Variants in IQCM observed in about 807,000 individuals in gnomAD.
IQCM encodes the protein IQ domain-containing protein M.
In IQCM, 45 loss-of-function variants were observed where a neutral mutation model predicts 57.6. That is an observed-to-expected ratio of 0.78 (90% CI 0.62 to 1.00). The LOEUF is 1.00. IQCM is among the 50% of genes least tolerant of loss of function. The pLI, the probability that IQCM is intolerant of heterozygous loss-of-function variation, is 0.00. For missense variants in IQCM, 468 were observed against 511.6 expected (o/e 0.91, Z 0.82); for synonymous variants, 148 against 158.9 (o/e 0.93, Z 0.51).
intron 8 of IQCM, among the ~76,000 whole-genome samples, chr4:149,604,344 G>A (rs1392761971): frequency 2.0e-5 from 3 of 152,066 alleles, no homozygotes; most frequent in Non-Finnish European, 4.4e-5. Context: ...TATTACCACT[G>A]CTGCTGCATG....
At chr4:149,358,849 T>TATCATGATATACTCTCATGAGTAG (rs1729224534) in intron 13 of IQCM, among the ~76,000 whole-genome samples, 1 of 151,552 alleles carries the variant, frequency 6.6e-6, no homozygotes. Flanking sequence ...GTGGACAGTA[T>TATCATGATATACTCTCATGAGTAG]ATCATGATAT....
At chr4:149,563,570 C>T (rs948247501) in intron 10 of IQCM, 122 bp downstream of exon 10, 1 of 647,000 alleles carries the variant, frequency 1.5e-6, no homozygotes, top group East Asian at 3.5e-5. Context: ...TGGACAACAA[C>T]AGCAAAACTC....
At chr4:149,559,429 A>T (rs941125552) in intron 10 of IQCM, among the ~76,000 whole-genome samples, 1 of 152,082 alleles carries the variant, frequency 6.6e-6, no homozygotes, top group African/African-American at 2.4e-5. Flanking sequence ...TAGCTCACCT[A>T]AGCTCATTGA....
At chr4:149,719,081 A>G (rs1765227497) in intron 5 of IQCM, among the ~76,000 whole-genome samples, 1 of 152,124 alleles carries the variant, frequency 6.6e-6, no homozygotes, top group African/African-American at 2.4e-5. Context: ...ATGGTGGCTC[A>G]TGCCTGTAAT....
At chr4:149,532,002 C>A (rs553533135) in intron 12 of IQCM, among the ~76,000 whole-genome samples, 1 of 152,098 alleles carries the variant, frequency 6.6e-6, no homozygotes, top group South Asian at 2.1e-4. Context: ...TTGCCTGACA[C>A]GAGGGCCAGC....
At chr4:149,663,982 C>T (rs1166652119) in intron 7 of IQCM, among the ~76,000 whole-genome samples, 2 of 152,094 alleles carry the variant, frequency 1.3e-5, no homozygotes, top group Middle Eastern at 3.2e-3. Flanking sequence ...TAATGATGTT[C>T]CCTAAGTCCC....
intron 12 of IQCM, among the ~76,000 whole-genome samples, chr4:149,541,403 G>GT (rs1291545502): frequency 6.6e-6 from 1 of 151,900 alleles, no homozygotes; most frequent in Non-Finnish European, 1.5e-5. Flanking sequence ...TCGTTGTTGA[G>GT]TTTTTTTGAT....
At chr4:149,537,782 A>G (rs1747448340) in intron 12 of IQCM, among the ~76,000 whole-genome samples, 2 of 151,966 alleles carry the variant, frequency 1.3e-5, no homozygotes, top group Non-Finnish European at 2.9e-5. Flanking sequence ...ATCAGAATCA[A>G]TGGTAGGCAG....
rs147292394 is a variant in IQCM, at chr4:149,777,276, AT to A, written c.-48-34538del. ...TTGTCTCTGCTTCTACTCTTCAAGAATGTATAAATATTGACATTCACTCTCA... is the reference window on the plus strand; with the variant it reads ...TTGTCTCTGCTTCTACTCTTCAAGAAGTATAAATATTGACATTCACTCTCA... On this transcript the variant is annotated intron_variant, in intron 2 of 13. Transcript: ENST00000636793. Among the ~76,000 whole-genome samples, 19 of 152,352 alleles carry A rather than the reference AT, an allele frequency of 1.2e-4. No homozygotes were observed. In the East Asian group the frequency reaches 3.7e-3, roughly 29 times the overall value.
At chr4:149,399,791 T>C (rs543717017) in intron 13 of IQCM, among the ~76,000 whole-genome samples, 1 of 152,202 alleles carries the variant, frequency 6.6e-6, no homozygotes, top group African/African-American at 2.4e-5. Flanking sequence ...TTATTTTACC[T>C]CATGGGGTTA....
chr4:149,624,623 A>G lies in IQCM; in HGVS notation c.566-3379T>C, dbSNP rs1002177526. Among the ~76,000 whole-genome samples, 4 of 152,230 alleles carry G rather than the reference A, an allele frequency of 2.6e-5. No individual in the cohort carries two copies. The East Asian group carries it at 5.8e-4, about 22-fold the overall frequency. ...AAAAGGGAAGGAAAGAAAAGTTCTT[A>G]GGTAGTTAAAACAATCCCCACATCT... is the stretch of plus-strand genomic sequence containing the variant. On this transcript the variant is annotated intron_variant, in intron 7 of 13. Transcript: ENST00000636793.
chr4:149,762,781 C>G (rs1170330280), intron 2 of IQCM, among the ~76,000 whole-genome samples: 2 of 151,908 alleles, frequency 1.3e-5, no homozygotes, highest in Admixed American at 6.6e-5. Flanking sequence ...CTCCACAGAC[C>G]TCTATAACAT....
chr4:149,549,578 T>G (rs1748824392), intron 11 of IQCM, among the ~76,000 whole-genome samples: 1 of 145,200 alleles, frequency 6.9e-6, no homozygotes, highest in South Asian at 2.4e-4. Context: ...ATAATTTCTT[T>G]TTTTCTCTTT....
intron 12 of IQCM, among the ~76,000 whole-genome samples, chr4:149,520,370 T>C (rs1281857019): frequency 6.6e-6 from 1 of 152,032 alleles, no homozygotes; most frequent in Non-Finnish European, 1.5e-5. Context: ...TTTTCCTGGG[T>C]GGTTCACCAT....
At chr4:149,478,707 G>C (rs1235416848) in intron 12 of IQCM, among the ~76,000 whole-genome samples, 1 of 152,088 alleles carries the variant, frequency 6.6e-6, no homozygotes, top group East Asian at 1.9e-4. Context: ...TTGAAGACAT[G>C]AGGCAAGCAG....
chr4:149,622,052 A>G (rs1053084386), intron 7 of IQCM, among the ~76,000 whole-genome samples: 8 of 152,228 alleles, frequency 5.3e-5, no homozygotes, highest in Non-Finnish European at 8.8e-5. Context: ...ATAAATTTAT[A>G]GAAAACTCAA....
intron 9 of IQCM, among the ~76,000 whole-genome samples, chr4:149,572,611 C>G (rs1295550045): frequency 6.6e-6 from 1 of 151,940 alleles, no homozygotes; most frequent in Non-Finnish European, 1.5e-5. Flanking sequence ...TATTTCCTAA[C>G]TATGGTATAA....
chr4:149,524,962 A>C (rs1338688592), intron 12 of IQCM, among the ~76,000 whole-genome samples: 1 of 151,998 alleles, frequency 6.6e-6, no homozygotes, highest in African/African-American at 2.4e-5. Context: ...TTAATCAAAA[A>C]AATTGGATAT....
At chr4:149,665,065 C>A (rs1256295448) in intron 7 of IQCM, among the ~76,000 whole-genome samples, 1 of 152,092 alleles carries the variant, frequency 6.6e-6, no homozygotes, top group Non-Finnish European at 1.5e-5. Context: ...CTGCAGAAAC[C>A]CATGTGAATG....
Sources: gnomAD v4.1 joint callset for allele counts (sites outside exome capture counted in the v4.1 genomes callset) on GRCh38, gnomAD v4.1.1 for gene constraint, MANE v1.5 for transcripts, NCBI Gene and HGNC (gene_info 2026-07-23, HGNC 2026-07-21) for gene names.